ITSN1: variants seen among roughly 807,000 people sequenced by gnomAD.
The protein encoded by ITSN1 is intersectin 1, also known as intersectin-1.
ITSN1 carries 58 observed loss-of-function variants against 239.8 expected under a neutral mutation model. The ratio of observed to expected loss-of-function variants is 0.24; its 90% CI spans 0.20 to 0.30. The LOEUF is 0.30. ITSN1 is among the 10% of genes least tolerant of loss of function. The pLI is 1.00. For missense variants in ITSN1, 1,558 were observed against 2,103.3 expected (o/e 0.74, Z 5.07); for synonymous variants, 780 against 770.8 (o/e 1.01, Z -0.20).
At chr21:33,644,442 T>G (rs1455882057) in intron 1 of ITSN1, among the ~76,000 whole-genome samples, 5 of 152,148 alleles carry the variant, frequency 3.3e-5, no homozygotes, top group African/African-American at 4.8e-5. Context: ...AAAAATGGTA[T>G]TTCTTTATCT....
intron 14 of ITSN1, among the ~76,000 whole-genome samples, chr21:33,775,715 A>C (rs914597448): frequency 9.9e-5 from 15 of 152,204 alleles, no homozygotes; most frequent in Non-Finnish European, 2.9e-5. Context: ...TGGATCACAC[A>C]GAACCTGTAG....
chr21:33,835,261 G>A (rs1368485878), intron 28 of ITSN1, among the ~76,000 whole-genome samples: 1 of 152,154 alleles, frequency 6.6e-6, no homozygotes, highest in Non-Finnish European at 1.5e-5. Context: ...TGCTTGAGCT[G>A]TGGCCTTGTG....
rs758301777 is a variant in ITSN1, at chr21:33,811,223, G to T, written c.2567+1G>T. On this transcript the variant is annotated splice_donor_variant, in intron 21 of 39. Transcript: ENST00000381318. LOFTEE classifies it high-confidence loss of function. Reference sequence around the variant, plus strand: ...ATAACTGGGCCGACTTCAGCTCCACGTACGTGTTGGTGGGCTCTTTCTGAT... The same window carrying T: ...ATAACTGGGCCGACTTCAGCTCCACTTACGTGTTGGTGGGCTCTTTCTGAT... The T allele has an allele frequency of 1.5e-5, 24 of 1,574,356 alleles. No homozygotes were observed. The highest frequency in any genetic ancestry group is 2.1e-5 in the Non-Finnish European group (24 of 1,161,026).
At position 33,856,803 on chromosome 21, in the gene ITSN1, C is replaced by A; in HGVS notation, c.3729C>A (p.His1243Gln). The stretch of plus-strand genomic sequence containing the variant: ...AAAGAAAGCGACAAGGATACATCCA[C>A]GAGCTCATTGTCACCGAGGAGAACT... ...PTERKRQGYI[H>Q]ELIVTEENYV... Residue 1243 changes from histidine to glutamine, a missense_variant, in exon 30 of 40, where the codon CAC (histidine) becomes CAA (glutamine). His to Gln is a conservative substitution (Grantham distance 24). This residue lies in a region of ITSN1 where 576 missense variants were observed against 893.3 expected (regional missense o/e 0.64). Transcript: ENST00000381318. 6.2e-7 allele frequency: 1 copy of A among 1,614,136 alleles called. No individual in the cohort carries two copies. The highest frequency in any genetic ancestry group is 8.5e-7 in the Non-Finnish European group (1 of 1,180,014).
intron 1 of ITSN1, among the ~76,000 whole-genome samples, chr21:33,660,837 A>G (rs1275900215): frequency 2.0e-5 from 3 of 152,194 alleles, no homozygotes; most frequent in Non-Finnish European, 2.9e-5. Context: ...GATCCATCCT[A>G]TACTTTGAAT....
chr21:33,774,500 A>C (rs894563592), intron 12 of ITSN1: 9 of 364,110 alleles, frequency 2.5e-5, no homozygotes, highest in Non-Finnish European at 4.4e-5. Context: ...CTGTCATCTT[A>C]CGTAAATATA....
chr21:33,693,425 C>T (rs978411430), intron 1 of ITSN1, among the ~76,000 whole-genome samples: 2 of 150,626 alleles, frequency 1.3e-5, no homozygotes, highest in African/African-American at 2.4e-5. Flanking sequence ...GGTGTGATCT[C>T]GGCTCACTGC....
At chr21:33,879,817 C>A (rs986522853) in intron 34 of ITSN1, among the ~76,000 whole-genome samples, 1 of 152,154 alleles carries the variant, frequency 6.6e-6, no homozygotes, top group African/African-American at 2.4e-5. Context: ...GTAGCTGGAA[C>A]TATAGGGGCC....
At chr21:33,653,099 AT>A (rs2088695520) in intron 1 of ITSN1, among the ~76,000 whole-genome samples, 1 of 149,968 alleles carries the variant, frequency 6.7e-6, no homozygotes, top group Non-Finnish European at 1.5e-5. Flanking sequence ...GGTTCAAGTG[AT>A]TCTCCTGCCT....
intron 33 of ITSN1, among the ~76,000 whole-genome samples, chr21:33,874,777 T>C (rs139453550): frequency 9.2e-4 from 139 of 151,584 alleles, no homozygotes; most frequent in Middle Eastern, 3.4e-3. Context: ...GCCCCCCGAG[T>C]AGCTGGGACG....
chr21:33,841,401 G>A (rs2074818164), intron 29 of ITSN1, among the ~76,000 whole-genome samples: 1 of 152,088 alleles, frequency 6.6e-6, no homozygotes, highest in South Asian at 2.1e-4. Flanking sequence ...AAAAAAAAAT[G>A]CCTATTGAAT....
rs997160649 is a variant in ITSN1 at position 33,882,984 on chromosome 21, G to A, written c.4554+529G>A. On this transcript the variant is annotated intron_variant, in intron 35 of 39. Coordinates refer to ENST00000381318, the MANE Select transcript of ITSN1 (RefSeq NM_003024.3). This position sits in a 1 kb window ranked among gnomAD's most constrained non-coding sequence, Gnocchi z 4.5. Reference sequence around the variant, plus strand: ...TGTGTTTGTGTGTCTTTGTGTCACGGGACGTTGTTTTTCTAAATTTGTCTG... The same window carrying A: ...TGTGTTTGTGTGTCTTTGTGTCACGAGACGTTGTTTTTCTAAATTTGTCTG... Among the ~76,000 whole-genome samples the A allele has an allele frequency of 5.3e-5, 8 of 152,146 alleles. No homozygotes were observed. Among genetic ancestry groups the A allele is most frequent in the Admixed American group, 2.0e-4 (3 of 15,276 alleles).
At chr21:33,798,481 G>A (rs952158045) in intron 18 of ITSN1, among the ~76,000 whole-genome samples, 8 of 152,038 alleles carry the variant, frequency 5.3e-5, no homozygotes, top group African/African-American at 1.9e-4. Context: ...AATCGGAATA[G>A]CTAGAAAAAG....
At chr21:33,871,796 G>A (rs918202933) in intron 33 of ITSN1, among the ~76,000 whole-genome samples, 1 of 152,158 alleles carries the variant, frequency 6.6e-6, no homozygotes, top group Non-Finnish European at 1.5e-5. Context: ...GAGGCAGTAG[G>A]CAGTATGGAA....
At chr21:33,761,787 G>A (rs771154097) in intron 8 of ITSN1, 136 bp from the exon 9 acceptor site, 7 of 635,760 alleles carry the variant, frequency 1.1e-5, no homozygotes, top group Admixed American at 2.3e-5. Context: ...AAGCCCCTGC[G>A]GTAGTAGCAA....
chr21:33,679,779 G>C (rs190526842), intron 1 of ITSN1, among the ~76,000 whole-genome samples: 100 of 125,318 alleles, frequency 8.0e-4, no homozygotes, highest in African/African-American at 2.8e-3. Flanking sequence ...CTCACTGCAA[G>C]CTCCGCCTCC....
chr21:33,764,958 A>G (rs545932575), intron 9 of ITSN1, among the ~76,000 whole-genome samples: 2 of 152,386 alleles, frequency 1.3e-5, no homozygotes, highest in African/African-American at 4.8e-5. Flanking sequence ...GCTGGAGTTC[A>G]TAAAGATCCA....
intron 29 of ITSN1, among the ~76,000 whole-genome samples, chr21:33,855,844 T>C (rs9305534): frequency 0.63 from 95,832 of 152,190 alleles, 31,768 homozygotes; most frequent in East Asian, 0.92. Context: ...AGGCAGCAGC[T>C]TTGTCCAGGA....
intron 1 of ITSN1, among the ~76,000 whole-genome samples, chr21:33,717,239 C>T (rs1252623006): frequency 6.6e-6 from 1 of 150,806 alleles, no homozygotes; most frequent in Non-Finnish European, 1.5e-5. Context: ...TCCAGTTGCT[C>T]AGGCTGGAGT....
Sources: gnomAD v4.1 joint callset for allele counts (sites outside exome capture counted in the v4.1 genomes callset) on GRCh38, gnomAD v4.1.1 for gene constraint, gnomAD v4.1.1 regional missense constraint, Gnocchi (gnomAD v3.1) non-coding constraint, MANE v1.5 for transcripts, NCBI Gene and HGNC (gene_info 2026-07-23, HGNC 2026-07-21) for gene names.